Variants in OTUD7A observed in about 807,000 individuals in gnomAD.
OTUD7A encodes OTU domain-containing protein 7A.
OTUD7A carries 12 observed loss-of-function variants against 65.7 expected under a neutral mutation model. The ratio of observed to expected loss-of-function variants is 0.18; its 90% CI spans 0.12 to 0.30. OTUD7A has a LOEUF of 0.30. Ranked by LOEUF, OTUD7A falls within the 10% of genes least tolerant of loss-of-function variation. The pLI is 1.00. For missense variants in OTUD7A, 1,148 were observed against 1,304.8 expected (o/e 0.88, Z 1.85); for synonymous variants, 641 against 586.3 (o/e 1.09, Z -1.35).
chr15:31,595,004 GTT>G (rs1028952338), intron 3 of OTUD7A, among the ~76,000 whole-genome samples: 12 of 152,228 alleles, frequency 7.9e-5, no homozygotes, highest in African/African-American at 2.9e-4. Context: ...ACTGTGTGCT[GTT>G]TTAATACTCA....
At chr15:31,546,949 TGTGA>T (rs908111240) in intron 5 of OTUD7A, among the ~76,000 whole-genome samples, 1 of 152,238 alleles carries the variant, frequency 6.6e-6, no homozygotes, top group Non-Finnish European at 1.5e-5. Flanking sequence ...CTTTTCTTGA[TGTGA>T]GTTTCTTGTC....
At chr15:31,868,976 T>C (rs1188276425) in intron 1 of OTUD7A, among the ~76,000 whole-genome samples, 1 of 152,224 alleles carries the variant, frequency 6.6e-6, no homozygotes, top group Non-Finnish European at 1.5e-5. Context: ...ATTTAAGGCA[T>C]GCTTATTTTA....
At chr15:31,669,593 G>A (rs542902541) in intron 1 of OTUD7A, among the ~76,000 whole-genome samples, 2 of 152,206 alleles carry the variant, frequency 1.3e-5, no homozygotes, top group Non-Finnish European at 2.9e-5. Flanking sequence ...GAAAGAAAAG[G>A]GCTTGGTTCT....
Position 31,580,849 on chromosome 15 carries a change from C to T in OTUD7A, c.152-10652G>A, listed in dbSNP as rs143518347. 1.2e-3 allele frequency among the ~76,000 whole-genome samples: 183 copies of T among 152,186 alleles called. 4 individuals carry two copies. In the East Asian group the frequency reaches 0.031, roughly 26 times the overall value. Reference sequence around the variant, plus strand: ...AGGTGAGATTTGGGTGAGGACACAGCCAAACCATATAATTCCACCCCCGGC... The same window carrying T: ...AGGTGAGATTTGGGTGAGGACACAGTCAAACCATATAATTCCACCCCCGGC... On this transcript the variant is annotated intron_variant, in intron 3 of 12. Transcript: ENST00000307050.
intron 1 of OTUD7A, among the ~76,000 whole-genome samples, chr15:31,680,018 A>G (rs1465274402): frequency 6.6e-6 from 1 of 152,238 alleles, no homozygotes; most frequent in Non-Finnish European, 1.5e-5. Flanking sequence ...ACAAATGAAA[A>G]GAGAATCAAC....
chr15:31,503,730 C>T lies in OTUD7A; in HGVS notation c.982G>A (p.Val328Ile). Residue 328 changes from valine to isoleucine, a missense_variant, in exon 9 of 13, where the codon GTT (valine) becomes ATT (isoleucine). Transcript: ENST00000307050. ...TCTCTTAACATTGTATCTGCCACAA[C>T]AACGATGGGCCTTCTTAATATATGG... ...LAHILRRPIV[V>I]VADTMLRDSG... is the part of the protein sequence containing the mutation. 6.2e-7 allele frequency: 1 copy of T among 1,614,196 alleles called. No individual in the cohort carries two copies. Among genetic ancestry groups the T allele is most frequent in the Non-Finnish European group, 8.5e-7 (1 of 1,180,014 alleles).
intron 3 of OTUD7A, among the ~76,000 whole-genome samples, chr15:31,649,466 G>A (rs541442948): frequency 2.6e-5 from 4 of 152,026 alleles, no homozygotes; most frequent in South Asian, 2.1e-4. Flanking sequence ...TGTACCTTCC[G>A]CTCAGCTTTT....
chr15:31,846,106 C>T (rs1312159477), intron 1 of OTUD7A, among the ~76,000 whole-genome samples: 1 of 152,246 alleles, frequency 6.6e-6, no homozygotes, highest in Admixed American at 6.5e-5. Flanking sequence ...CTGCTCTGCT[C>T]ACCTTTGTCC....
chr15:31,812,029 G>C lies in OTUD7A; in HGVS notation c.-100+58478C>G, dbSNP rs150031165. Among the ~76,000 whole-genome samples the C allele has an allele frequency of 9.1e-3, 1,393 of 152,332 alleles. 13 individuals are homozygous for C. Among genetic ancestry groups the C allele is most frequent in the African/African-American group, 0.031 (1,307 of 41,576 alleles). On this transcript the variant is annotated intron_variant, in intron 1 of 12. Transcript: ENST00000307050. ...TGCCTTGCTTCACCCAGCCTTCCCA[G>C]GGATGGGGCAGGTGGTGACCAGAGC...
intron 3 of OTUD7A, among the ~76,000 whole-genome samples, chr15:31,627,338 G>A (rs1890992043): frequency 1.4e-5 from 2 of 147,552 alleles, no homozygotes; most frequent in Non-Finnish European, 3.0e-5. Flanking sequence ...AGAACATGCA[G>A]TGTTTGGTTT....
chr15:31,777,639 C>T (rs1895421042), intron 1 of OTUD7A, among the ~76,000 whole-genome samples: 2 of 152,128 alleles, frequency 1.3e-5, no homozygotes, highest in African/African-American at 2.4e-5. Context: ...TGCAGGCCCC[C>T]CATCCCCCAC....
intron 5 of OTUD7A, among the ~76,000 whole-genome samples, chr15:31,533,193 T>C (rs1268578950): frequency 1.3e-5 from 2 of 152,022 alleles, no homozygotes; most frequent in Non-Finnish European, 1.5e-5. Context: ...GACAGTGCAT[T>C]TCTCATTGGC....
intron 1 of OTUD7A, among the ~76,000 whole-genome samples, chr15:31,689,758 T>C (rs1020296881): frequency 3.9e-5 from 6 of 152,216 alleles, no homozygotes; most frequent in Admixed American, 3.3e-4. Context: ...CTCATCCGTG[T>C]GGACTTAACA....
At chr15:31,638,562 GTTT>G (rs71422902) in intron 3 of OTUD7A, among the ~76,000 whole-genome samples, 1 of 138,426 alleles carries the variant, frequency 7.2e-6, no homozygotes, top group African/African-American at 2.6e-5. Context: ...GTAGGTTTTT[GTTT>G]TTTTTTTTTT....
At chr15:31,730,072 C>T (rs1249914771) in intron 1 of OTUD7A, among the ~76,000 whole-genome samples, 1 of 152,144 alleles carries the variant, frequency 6.6e-6, no homozygotes, top group Admixed American at 6.5e-5. Flanking sequence ...AGGGTGCAGC[C>T]TCATGAATGG....
rs371070461 is a variant in OTUD7A at position 31,548,873 on chromosome 15, T to C, written c.550+10096A>G. On this transcript the variant is annotated intron_variant, in intron 5 of 12. Transcript: ENST00000307050. Reference sequence around the variant, plus strand: ...AATTCTGGCTGGACACAGTGGCTCATGCCTATAATCCCAGCACTTTGGGAG... The same window carrying C: ...AATTCTGGCTGGACACAGTGGCTCACGCCTATAATCCCAGCACTTTGGGAG... Among the ~76,000 whole-genome samples, 22 of 152,216 alleles carry C rather than the reference T, an allele frequency of 1.4e-4. 1 individual carries two copies. The South Asian group carries it at 3.9e-3, about 27-fold the overall frequency.
intron 1 of OTUD7A, among the ~76,000 whole-genome samples, chr15:31,693,942 T>C (rs1417836642): frequency 6.6e-6 from 1 of 152,210 alleles, no homozygotes; most frequent in Non-Finnish European, 1.5e-5. Flanking sequence ...CCTCTGAAGA[T>C]GCTCCAGGGA....
chr15:31,565,964 A>G (rs1388332652), intron 4 of OTUD7A, among the ~76,000 whole-genome samples: 1 of 152,146 alleles, frequency 6.6e-6, no homozygotes, highest in African/African-American at 2.4e-5. Flanking sequence ...AGGCCGAGGT[A>G]GGTGGATCAC....
At chr15:31,726,902 A>G (rs1348657924) in intron 1 of OTUD7A, among the ~76,000 whole-genome samples, 3 of 152,260 alleles carry the variant, frequency 2.0e-5, no homozygotes, top group African/African-American at 7.2e-5. Flanking sequence ...AAATAGTAAC[A>G]GAAAAACACA....
Sources: allele counts gnomAD v4.1 joint callset (sites outside exome capture counted in the v4.1 genomes callset), GRCh38; gene constraint gnomAD v4.1.1; transcripts MANE v1.5; gene names NCBI Gene and HGNC (gene_info 2026-07-23, HGNC 2026-07-21).